RAI1: variants seen among roughly 807,000 people sequenced by gnomAD.
RAI1 encodes retinoic acid-induced protein 1.
In RAI1, 9 loss-of-function variants were observed where a neutral mutation model predicts 123.8. That is an observed-to-expected ratio of 0.07 (90% confidence interval 0.04 to 0.13). RAI1 has a LOEUF of 0.13. Among genes scored for constraint, RAI1 ranks in the 10% least tolerant of loss-of-function variants. RAI1 has a pLI of 1.00. For missense variants in RAI1, 2,256 were observed against 2,545.8 expected (o/e 0.89, Z 2.45); for synonymous variants, 1,231 against 1,127.3 (o/e 1.09, Z -1.84).
Position 17,794,738 on chromosome 17 carries a change from T to C in RAI1, c.1790T>C (p.Leu597Pro). ...FVAGERDCPR[L>P]LLSALAQEDL... ...GCGGGTGAGCGGGACTGTCCGCGGCTGCTGCTCAGCGCCCTGGCACAGGAG... is the reference window on the plus strand; with the variant it reads ...GCGGGTGAGCGGGACTGTCCGCGGCCGCTGCTCAGCGCCCTGGCACAGGAG... Residue 597 changes from leucine to proline, a missense_variant, in exon 3 of 6, where the codon CTG becomes CCG. Around this residue, in one of 7 missense-constraint regions of RAI1, gnomAD observed 357 missense variants for 480.2 expected, o/e 0.74. Coordinates refer to ENST00000353383, the MANE Select transcript of RAI1 (RefSeq NM_030665.4). 6.2e-7 allele frequency: 1 copy of C among 1,612,208 alleles called. No homozygotes were observed. Among genetic ancestry groups the C allele is most frequent in the Non-Finnish European group, 8.5e-7 (1 of 1,180,034 alleles).
chr17:17,703,506 C>T (rs1444175542), intron 1 of RAI1, among the ~76,000 whole-genome samples: 3 of 152,108 alleles, frequency 2.0e-5, no homozygotes, highest in Non-Finnish European at 4.4e-5. Flanking sequence ...GGGGACCCAC[C>T]TGTGGCTCTG....
chr17:17,682,959 C>T (rs370238327), intron 1 of RAI1, among the ~76,000 whole-genome samples: 1 of 152,006 alleles, frequency 6.6e-6, no homozygotes, highest in East Asian at 1.9e-4. Flanking sequence ...GCCGGCCGGG[C>T]GCTGCTCCGC....
In RAI1 at chr17:17,794,505, C is replaced by T. The variant is rs377749724; in HGVS notation, c.1557C>T (p.Ser519=). The T allele has an allele frequency of 1.0e-4, 167 of 1,611,938 alleles. No homozygotes were observed. Among genetic ancestry groups the T allele is most frequent in the Middle Eastern group, 1.6e-4 (1 of 6,084 alleles). The change falls in exon 3 of 6, where the codon AGC becomes AGT. Residue 519 remains serine, a synonymous_variant. Transcript: ENST00000353383. ...AGCCGCAGGAGGCCGACTACCTGAG[C>T]GGCTCCGAGGACCCACTGGAGCGCA... is the stretch of plus-strand genomic sequence containing the variant. The part of the protein sequence containing the change: ...HAEPQEADYL[S]GSEDPLERSF...
Position 17,809,310 on chromosome 17 carries a change from C to G in RAI1, c.5660-80C>G. 1 of 1,274,562 alleles carries G rather than the reference C, an allele frequency of 7.8e-7. No individual in the cohort carries two copies. The highest frequency in any genetic ancestry group is 1.1e-6 in the Non-Finnish European group (1 of 871,358). The allele number at this position is 1,274,562 out of a possible 1,614,324, so 79.0% of individuals were successfully genotyped here. A position where few individuals can be genotyped will look rare whatever the true frequency, so the allele number is the denominator to read the frequency against. ...TGGAGCCTCGCGGGCAGTGCGGCTC[C>G]CCTCCTGGCTGCAGACAAAACCCCA... On this transcript the variant is annotated intron_variant, in intron 4 of 5. Coordinates refer to ENST00000353383, the MANE Select transcript of RAI1 (RefSeq NM_030665.4). This position sits in a 1 kb window ranked among gnomAD's most constrained non-coding sequence, Gnocchi z 4.9.
intron 2 of RAI1, among the ~76,000 whole-genome samples, chr17:17,731,437 G>A (rs945125628): frequency 5.3e-5 from 8 of 152,200 alleles, no homozygotes; most frequent in African/African-American, 1.4e-4. Flanking sequence ...TGGCGAGCAG[G>A]TGGGATTGGG....
intron 2 of RAI1, among the ~76,000 whole-genome samples, chr17:17,762,642 C>T (rs1021565433): frequency 5.3e-5 from 8 of 152,154 alleles, no homozygotes; most frequent in Non-Finnish European, 8.8e-5. Flanking sequence ...CTCAGAGACT[C>T]GCCAGCTGTG....
chr17:17,753,714 G>T (rs2030311510), intron 2 of RAI1, among the ~76,000 whole-genome samples: 1 of 152,170 alleles, frequency 6.6e-6, no homozygotes, highest in Non-Finnish European at 1.5e-5. Flanking sequence ...CTGCCTGTGT[G>T]TGGTTTTGAT....
intron 4 of RAI1, 57 bp downstream of exon 4, chr17:17,803,906 GA>G (rs2032542283): frequency 6.5e-7 from 1 of 1,527,238 alleles, no homozygotes; most frequent in African/African-American, 1.4e-5. Context: ...AGTCCAGGGG[GA>G]CCCTCCCTGG....
intron 1 of RAI1, chr17:17,682,680 G>A (rs1177433672): frequency 2.0e-5 from 3 of 152,248 alleles, no homozygotes; most frequent in African/African-American, 7.2e-5. Context: ...TGGGGCGGAG[G>A]GGAAGCGAAA....
chr17:17,733,637 G>A (rs1233686031), intron 2 of RAI1, among the ~76,000 whole-genome samples: 2 of 152,130 alleles, frequency 1.3e-5, no homozygotes, highest in Non-Finnish European at 2.9e-5. Context: ...CAAGAATTCC[G>A]ACTCCTGACT....
At position 17,793,782 on chromosome 17, in the gene RAI1, GCA is replaced by G. The variant is rs1567915827; in HGVS notation, c.835_836del (p.Gln279AlafsTer109). On this transcript the variant is annotated frameshift_variant, in exon 3 of 6. Coordinates refer to ENST00000353383, the MANE Select transcript of RAI1 (RefSeq NM_030665.4). LOFTEE classifies it high-confidence loss of function. Reference protein sequence around the residue: ...YQSGRLSYDQQQQQQQQQQQQ... With the variant: ...YQSGRLSYDQXQQQQQQQQQQ... Reference sequence around the variant, plus strand: ...AGTCGGGCCGCCTCAGCTATGACCAGCAGCAGCAGCAGCAGCAGCAGCAGCAG... The same window carrying G: ...AGTCGGGCCGCCTCAGCTATGACCAGGCAGCAGCAGCAGCAGCAGCAGCAG... 3 of 783,944 alleles carry G rather than the reference GCA, an allele frequency of 3.8e-6. No individual in the cohort carries two copies. The highest frequency in any genetic ancestry group is 4.7e-6 in the Non-Finnish European group (3 of 631,870). The allele number at this position is 783,944 out of a possible 1,614,324, so 48.6% of individuals were successfully genotyped here. A position where few individuals can be genotyped will look rare whatever the true frequency, so the allele number is the denominator to read the frequency against.
chr17:17,771,324 T>C (rs1598067788), intron 2 of RAI1, among the ~76,000 whole-genome samples: 1 of 152,240 alleles, frequency 6.6e-6, no homozygotes, highest in South Asian at 2.1e-4. Context: ...ATGTGGCCCA[T>C]GAGCCCCTGG....
chr17:17,800,620 G>T lies in RAI1; in HGVS notation c.5565+2107G>T, dbSNP rs929556761. 6.6e-6 allele frequency among the ~76,000 whole-genome samples: 1 copy of T among 152,214 alleles called. No individual in the cohort carries two copies. The highest frequency in any genetic ancestry group is 2.4e-5 in the African/African-American group (1 of 41,454). On this transcript the variant is annotated intron_variant, in intron 3 of 5. Coordinates refer to ENST00000353383, the MANE Select transcript of RAI1 (RefSeq NM_030665.4). The surrounding 1 kb of genome is among the most constrained non-coding windows in gnomAD (Gnocchi z 4.7). Reference sequence around the variant, plus strand: ...AGGCGCTAGCTTCCCTACACCACGCGGGGGCTGGAACTTGCCAGCCCAGCC... The same window carrying T: ...AGGCGCTAGCTTCCCTACACCACGCTGGGGCTGGAACTTGCCAGCCCAGCC...
At chr17:17,756,945 C>T (rs1357197730) in intron 2 of RAI1, among the ~76,000 whole-genome samples, 2 of 152,210 alleles carry the variant, frequency 1.3e-5, no homozygotes, top group Non-Finnish European at 1.5e-5. Context: ...ACCGCATGCC[C>T]ATTGCCTTTC....
At chr17:17,684,663 A>T (rs1440594262) in intron 1 of RAI1, 2 of 137,052 alleles carry the variant, frequency 1.5e-5, no homozygotes, top group Non-Finnish European at 3.1e-5. Flanking sequence ...TTTGTTACTC[A>T]CTTAATGCAT....
intron 1 of RAI1, among the ~76,000 whole-genome samples, chr17:17,698,807 C>A (rs1217521842): frequency 6.6e-6 from 1 of 152,234 alleles, no homozygotes; most frequent in Non-Finnish European, 1.5e-5. Context: ...TGGTCGATAT[C>A]TATGTTTGGA....
chr17:17,791,706 C>T (rs2032017931), intron 2 of RAI1, among the ~76,000 whole-genome samples: 1 of 152,212 alleles, frequency 6.6e-6, no homozygotes, highest in Non-Finnish European at 1.5e-5. Flanking sequence ...CCAGCCCCTC[C>T]ATGCACTTCC....
At position 17,758,109 on chromosome 17, in the gene RAI1, G is replaced by A. The variant is rs568549736; in HGVS notation, c.-17+33950G>A. 3.3e-5 allele frequency among the ~76,000 whole-genome samples: 5 copies of A among 152,240 alleles called. No homozygotes were observed. In the South Asian group the frequency reaches 6.2e-4, roughly 19 times the overall value. On this transcript the variant is annotated intron_variant, in intron 2 of 5. Coordinates refer to ENST00000353383, the MANE Select transcript of RAI1 (RefSeq NM_030665.4). Reference sequence around the variant, plus strand: ...TCTGAAACCTTCATCTATTATTAACGCTGACAGTAAATTCCCCCTCCGAGC... The same window carrying A: ...TCTGAAACCTTCATCTATTATTAACACTGACAGTAAATTCCCCCTCCGAGC...
chr17:17,804,958 G>T (rs566220328), intron 4 of RAI1, among the ~76,000 whole-genome samples: 2 of 152,268 alleles, frequency 1.3e-5, no homozygotes, highest in Admixed American at 1.3e-4. Context: ...CGCCTCCCGA[G>T]TTCAAGCGAT....
Sources: gnomAD v4.1 joint callset for allele counts (sites outside exome capture counted in the v4.1 genomes callset) on GRCh38, gnomAD v4.1.1 for gene constraint, gnomAD v4.1.1 regional missense constraint, Gnocchi (gnomAD v3.1) non-coding constraint, MANE v1.5 for transcripts, NCBI Gene and HGNC (gene_info 2026-07-23, HGNC 2026-07-21) for gene names.